Variants in PSMB2 observed in about 807,000 individuals in gnomAD.
The protein encoded by PSMB2 is proteasome subunit beta type-2.
A neutral mutation model predicts 25.7 loss-of-function variants in PSMB2; 13 were observed. That is an observed-to-expected ratio of 0.51 (90% CI 0.33 to 0.80). PSMB2 has a LOEUF of 0.80. Among genes scored for constraint, PSMB2 ranks in the 30% least tolerant of loss-of-function variants. The pLI is 0.02. For synonymous variants in PSMB2, 87 were observed against 96.2 expected (o/e 0.90, Z 0.56); for missense variants, 202 against 259.0 (o/e 0.78, Z 1.51).
chr1:35,600,022 G>T lies in PSMB2; in HGVS notation c.*3245C>A. ...GCAGTGGTGCACCCCTCTAGTCCCA[G>T]CTAGTTGGGAGGCTGGGGTAAGAGG... is the stretch of plus-strand genomic sequence containing the variant. On this transcript the variant is annotated 3_prime_UTR_variant, in exon 6 of 6. Transcript: ENST00000373237. 1 of 587,914 alleles carries T rather than the reference G, an allele frequency of 1.7e-6. No individual in the cohort carries two copies. The highest frequency in any genetic ancestry group is 2.1e-6 in the Non-Finnish European group (1 of 466,984). 36.4% of individuals were successfully genotyped at this position (587,914 alleles called of 1,614,324 possible). A position where few individuals can be genotyped will look rare whatever the true frequency, so the allele number is the denominator to read the frequency against.
chr1:35,622,016 C>T (rs184377548), intron 3 of PSMB2, among the ~76,000 whole-genome samples: 120 of 152,142 alleles, frequency 7.9e-4, no homozygotes, highest in African/African-American at 2.7e-3. Flanking sequence ...AAAAAAAAAG[C>T]ATAAAATATA....
chr1:35,628,636 T>A (rs1462037241), intron 3 of PSMB2, among the ~76,000 whole-genome samples: 3 of 75,496 alleles, frequency 4.0e-5, no homozygotes, highest in Non-Finnish European at 5.4e-5. Flanking sequence ...TATATATTTT[T>A]TTTTTTTTTT....
At chr1:35,635,206 C>T (rs1651210749) in intron 2 of PSMB2, among the ~76,000 whole-genome samples, 2 of 151,472 alleles carry the variant, frequency 1.3e-5, no homozygotes, top group Admixed American at 1.3e-4. Context: ...TTGCGGTGAG[C>T]CGAGATTGTG....
chr1:35,605,292 AAC>A lies in PSMB2; in HGVS notation c.449-12_449-11del. ...CTCTCACGTGAGATAGCTGAAAGAG[AAC>A]ACAGAGACCAAATACTTCCGGTGCT... On this transcript the variant is annotated splice_polypyrimidine_tract_variant and intron_variant, in intron 4 of 5. Transcript: ENST00000373237. 6.2e-7 allele frequency: 1 copy of A among 1,612,232 alleles called. No individual in the cohort carries two copies. Among genetic ancestry groups the A allele is most frequent in the Non-Finnish European group, 8.5e-7 (1 of 1,179,060 alleles).
chr1:35,605,263 T>C lies in PSMB2; in HGVS notation c.468A>G (p.Ala156=), dbSNP rs370141393. The change falls in exon 5 of 6, where the codon GCA becomes GCG. Residue 156 remains alanine, a synonymous_variant. Transcript: ENST00000373237. ...CCAGACATTTCCTAAGGAGTTCCACTGCCCTCTCACGTGAGATAGCTGAAA... is the reference window on the plus strand; with the variant it reads ...CCAGACATTTCCTAAGGAGTTCCACCGCCCTCTCACGTGAGATAGCTGAAA... The part of the protein sequence containing the change: ...YYTPTISRER[A]VELLRKCLEE... 4 of 1,613,314 alleles carry C rather than the reference T, an allele frequency of 2.5e-6. No individual in the cohort carries two copies. Among genetic ancestry groups the C allele is most frequent in the Non-Finnish European group, 3.4e-6 (4 of 1,179,664 alleles).
Position 35,615,116 on chromosome 1 carries a change from G to A in PSMB2, c.286-5708C>T, listed in dbSNP as rs547837734. ...ACAACACTACCACCACCACTTTTAG[G>A]ATTTGACTGCATTATCAACAGATTT... On this transcript the variant is annotated intron_variant, in intron 3 of 5. Transcript: ENST00000373237. Among the ~76,000 whole-genome samples the A allele has an allele frequency of 1.2e-3, 190 of 152,224 alleles. 1 individual carries two copies. The highest frequency in any genetic ancestry group is 4.3e-3 in the African/African-American group (178 of 41,546).
At chr1:35,614,334 G>GA (rs1421892886) in intron 3 of PSMB2, among the ~76,000 whole-genome samples, 4 of 152,188 alleles carry the variant, frequency 2.6e-5, no homozygotes, top group Non-Finnish European at 1.5e-5. Context: ...CTGGGGAAAT[G>GA]AAAACATTAA....
chr1:35,605,623 TAGTCC>T (rs1355402863), intron 4 of PSMB2, among the ~76,000 whole-genome samples: 1 of 152,220 alleles, frequency 6.6e-6, no homozygotes, highest in African/African-American at 2.4e-5. Context: ...CACTCCCCCT[TAGTCC>T]AGGGTTTGAA....
At chr1:35,611,839 GA>G (rs762874192) in intron 3 of PSMB2, among the ~76,000 whole-genome samples, 10 of 113,934 alleles carry the variant, frequency 8.8e-5, no homozygotes, top group African/African-American at 4.3e-4. Flanking sequence ...AAAAAAAAAG[GA>G]GAGAGAGAGA....
At chr1:35,631,162 G>C in intron 3 of PSMB2, 112 bp downstream of exon 3, 2 of 924,168 alleles carry the variant, frequency 2.2e-6, no homozygotes, top group East Asian at 5.0e-5. Context: ...GCAACAGGAG[G>C]GGTTCTGGAA....
chr1:35,636,968 T>C (rs556618250), intron 1 of PSMB2, among the ~76,000 whole-genome samples: 1 of 152,194 alleles, frequency 6.6e-6, no homozygotes, highest in Non-Finnish European at 1.5e-5. Context: ...CATCAGCATA[T>C]TGTGTAATGC....
intron 3 of PSMB2, among the ~76,000 whole-genome samples, chr1:35,614,565 A>G (rs1650440687): frequency 6.6e-6 from 1 of 152,248 alleles, no homozygotes; most frequent in Admixed American, 6.5e-5. Context: ...AACATACAAG[A>G]CTAGGCTTCT....
rs558073331 is a variant in PSMB2, at chr1:35,600,472, C to T, written c.*2795G>A. 1.1e-6 allele frequency: 1 copy of T among 951,878 alleles called. No individual in the cohort carries two copies. Among genetic ancestry groups the T allele is most frequent in the Non-Finnish European group, 1.3e-6 (1 of 799,682 alleles). The allele number at this position is 951,878 out of a possible 1,614,324, so 59.0% of individuals were successfully genotyped here. ...TAAGGACACCATATTATCTTTGCAA[C>T]TTTTCTGTAAAACCAAATTTATTCC... On this transcript the variant is annotated 3_prime_UTR_variant, in exon 6 of 6. Transcript: ENST00000373237.
chr1:35,609,197 T>C (rs1295204821), intron 4 of PSMB2, 49 bp downstream of exon 4: 8 of 1,424,642 alleles, frequency 5.6e-6, no homozygotes, highest in Non-Finnish European at 6.5e-6. Flanking sequence ...GGGAAGCAGC[T>C]GAGGGCAGGG....
At chr1:35,631,658 C>T (rs753734753) in intron 2 of PSMB2, 25 of 279,762 alleles carry the variant, frequency 8.9e-5, no homozygotes, top group South Asian at 2.5e-4. Flanking sequence ...GAAAGGAACA[C>T]GAATACACAA....
intron 1 of PSMB2, among the ~76,000 whole-genome samples, chr1:35,638,614 T>C (rs1373211727): frequency 6.6e-6 from 1 of 152,228 alleles, no homozygotes; most frequent in Non-Finnish European, 1.5e-5. Context: ...TGTTAGATAA[T>C]GTAGTTCGGA....
rs58127386 is a variant in PSMB2 at position 35,607,028 on chromosome 1, T to G, written c.449-1746A>C. ...AGAAGAATGAAACCAGACCCTCACCTCTTACCCTATACAAAATTCAACTCA... is the reference window on the plus strand; with the variant it reads ...AGAAGAATGAAACCAGACCCTCACCGCTTACCCTATACAAAATTCAACTCA... On this transcript the variant is annotated intron_variant, in intron 4 of 5. Coordinates refer to ENST00000373237, the MANE Select transcript of PSMB2 (RefSeq NM_002794.5). Among the ~76,000 whole-genome samples the G allele has an allele frequency of 5.3e-3, 811 of 152,268 alleles. 5 individuals carry two copies. The highest frequency in any genetic ancestry group is 0.018 in the African/African-American group (768 of 41,556).
intron 4 of PSMB2, among the ~76,000 whole-genome samples, chr1:35,605,671 A>G (rs1650144440): frequency 6.6e-6 from 1 of 152,230 alleles, no homozygotes; most frequent in Non-Finnish European, 1.5e-5. Context: ...GCTGCAAATC[A>G]GGGAAAGAGA....
intron 2 of PSMB2, among the ~76,000 whole-genome samples, chr1:35,634,699 T>C (rs1244629156): frequency 6.6e-6 from 1 of 151,802 alleles, no homozygotes; most frequent in Non-Finnish European, 1.5e-5. Context: ...ACTTTTAAAC[T>C]CAAACCACAT....
Sources: allele counts gnomAD v4.1 joint callset (sites outside exome capture counted in the v4.1 genomes callset), GRCh38; gene constraint gnomAD v4.1.1; transcripts MANE v1.5; gene names NCBI Gene and HGNC (gene_info 2026-07-23, HGNC 2026-07-21).